The following WDFY1 variants were observed in gnomAD, a reference collection of about 807,000 sequenced individuals.
WDFY1 encodes the protein WD repeat and FYVE domain containing 1.
A neutral mutation model predicts 56.4 loss-of-function variants in WDFY1; 32 were observed. The ratio of observed to expected loss-of-function variants is 0.57; its 90% CI spans 0.43 to 0.76. WDFY1 has a LOEUF of 0.76. Ranked by LOEUF, WDFY1 falls within the 30% of genes least tolerant of loss-of-function variation. WDFY1 has a pLI of 0.00. For synonymous variants in WDFY1, 192 were observed against 197.3 expected, an observed-to-expected ratio of 0.97 and a Z score of 0.23; for missense variants, 480 against 545.7, an observed-to-expected ratio of 0.88 and a Z score of 1.20.
chr2:223,913,993 CTTTTTTTTT>C (rs386392770), intron 2 of WDFY1, among the ~76,000 whole-genome samples: 5 of 88,152 alleles, frequency 5.7e-5, no homozygotes, highest in Non-Finnish European at 7.8e-5. Flanking sequence ...AATCAGTTAG[CTTTTTTTTT>C]TTTTTTTTTT....
Position 223,880,218 on chromosome 2 carries a change from G to A in WDFY1, c.1079C>T (p.Ala360Val), listed in dbSNP as rs747101446. The A allele has an allele frequency of 1.4e-5, 22 of 1,613,892 alleles. No homozygotes were observed. Among genetic ancestry groups the A allele is most frequent in the Non-Finnish European group, 1.7e-5 (20 of 1,179,944 alleles). Residue 360 changes from alanine to valine, a missense_variant, in exon 11 of 12, where the codon GCG becomes GTG. Coordinates refer to ENST00000233055, the MANE Select transcript of WDFY1 (RefSeq NM_020830.5). ...GTTATGTTTTCCTTCATGAAAGGTC[G>A]CTAGAGAAGTCCGACTAACAAGAGA... is the stretch of plus-strand genomic sequence containing the variant. The part of the protein sequence containing the change: ...SIKDEDRTSL[A>V]TFHEGKHNIS...
intron 6 of WDFY1, among the ~76,000 whole-genome samples, chr2:223,897,046 T>C (rs1160495672): frequency 6.6e-6 from 1 of 152,130 alleles, no homozygotes; most frequent in Non-Finnish European, 1.5e-5. Context: ...AACTTGCTGT[T>C]CTCTTTTCTT....
intron 8 of WDFY1, 122 bp downstream of exon 8, chr2:223,894,112 A>C (rs1693321769): frequency 3.5e-6 from 3 of 852,250 alleles, no homozygotes; most frequent in Non-Finnish European, 5.6e-6. Flanking sequence ...CATTAGCAGA[A>C]GGGGAAGCTG....
At chr2:223,897,961 T>C (rs890233791) in intron 6 of WDFY1, among the ~76,000 whole-genome samples, 2 of 152,198 alleles carry the variant, frequency 1.3e-5, no homozygotes, top group Admixed American at 6.6e-5. Flanking sequence ...CCATGCTTCC[T>C]GTACAGCCTG....
chr2:223,895,965 C>G (rs556352907), intron 6 of WDFY1, among the ~76,000 whole-genome samples: 39 of 151,798 alleles, frequency 2.6e-4, no homozygotes, highest in African/African-American at 8.7e-4. Flanking sequence ...CAAGACTAGG[C>G]CTGGCCAACA....
At chr2:223,913,638 G>A (rs540168905) in intron 2 of WDFY1, among the ~76,000 whole-genome samples, 55 of 152,158 alleles carry the variant, frequency 3.6e-4, no homozygotes, top group South Asian at 8.3e-4. Context: ...GCTTTGATGC[G>A]TTCAGAGATT....
chr2:223,942,701 A>C, intron 1 of WDFY1, among the ~76,000 whole-genome samples: 1 of 106,682 alleles, frequency 9.4e-6, no homozygotes, highest in African/African-American at 3.6e-5. Context: ...GCGCCCGGCT[A>C]ATTTTTTGTA....
At chr2:223,944,810 G>C (rs757211840) in intron 1 of WDFY1, among the ~76,000 whole-genome samples, 1 of 150,568 alleles carries the variant, frequency 6.6e-6, no homozygotes. Flanking sequence ...CACTGGAACA[G>C]GGGTCCTGGG....
intron 9 of WDFY1, among the ~76,000 whole-genome samples, chr2:223,882,904 T>G (rs1201844853): frequency 6.6e-6 from 1 of 152,066 alleles, no homozygotes; most frequent in Non-Finnish European, 1.5e-5. Context: ...ATTTTTTGAT[T>G]TTTTTGCAGA....
At chr2:223,891,559 G>C (rs1223387590) in intron 8 of WDFY1, among the ~76,000 whole-genome samples, 1 of 152,036 alleles carries the variant, frequency 6.6e-6, no homozygotes, top group Non-Finnish European at 1.5e-5. Context: ...CAGACGCAGT[G>C]AATTGTGCAC....
At chr2:223,918,432 T>C (rs1411761204) in intron 1 of WDFY1, among the ~76,000 whole-genome samples, 1 of 151,882 alleles carries the variant, frequency 6.6e-6, no homozygotes, top group Admixed American at 6.6e-5. Flanking sequence ...ATCAAGACCA[T>C]CTTGGCTAAC....
intron 8 of WDFY1, among the ~76,000 whole-genome samples, chr2:223,889,200 G>A (rs1359537949): frequency 1.3e-5 from 2 of 152,228 alleles, no homozygotes; most frequent in Non-Finnish European, 2.9e-5. Context: ...CACGGTGTCT[G>A]GCCTCTCAAT....
At chr2:223,905,263 A>C (rs1395137297) in intron 4 of WDFY1, among the ~76,000 whole-genome samples, 2 of 152,146 alleles carry the variant, frequency 1.3e-5, no homozygotes, top group Non-Finnish European at 2.9e-5. Context: ...CACTTAAAAA[A>C]CTTTTTAATG....
At chr2:223,927,657 T>G (rs973138665) in intron 1 of WDFY1, among the ~76,000 whole-genome samples, 3 of 152,230 alleles carry the variant, frequency 2.0e-5, no homozygotes, top group Non-Finnish European at 4.4e-5. Flanking sequence ...CTTATTCATG[T>G]TTTCACTAGA....
chr2:223,880,209 T>C lies in WDFY1; in HGVS notation c.1088A>G (p.His363Arg). The C allele has an allele frequency of 6.2e-7, 1 of 1,614,076 alleles. No homozygotes were observed. Among genetic ancestry groups the C allele is most frequent in the Non-Finnish European group, 8.5e-7 (1 of 1,179,980 alleles). ...GTGGGAAATGTTATGTTTTCCTTCA[T>C]GAAAGGTCGCTAGAGAAGTCCGACT... is the stretch of plus-strand genomic sequence containing the variant. ...DEDRTSLATF[H>R]EGKHNISHMS... The change falls in exon 11 of 12, where the codon CAT becomes CGT. Residue 363 changes from histidine to arginine, a missense_variant. By Grantham distance (29) the His-to-Arg change is conservative. Coordinates refer to ENST00000233055, the MANE Select transcript of WDFY1 (RefSeq NM_020830.5).
intron 8 of WDFY1, among the ~76,000 whole-genome samples, chr2:223,887,211 A>C (rs1211037548): frequency 2.6e-5 from 4 of 152,194 alleles, no homozygotes; most frequent in African/African-American, 9.6e-5. Context: ...CTACCTGGGG[A>C]CACTGTCCCT....
chr2:223,910,002 C>T (rs1324716305), intron 3 of WDFY1, among the ~76,000 whole-genome samples: 1 of 152,204 alleles, frequency 6.6e-6, no homozygotes, highest in Non-Finnish European at 1.5e-5. Context: ...TTGCATGACC[C>T]GGCCTCTGCC....
intron 3 of WDFY1, among the ~76,000 whole-genome samples, chr2:223,906,756 G>A (rs1402596598): frequency 6.6e-6 from 1 of 151,850 alleles, no homozygotes; most frequent in African/African-American, 2.4e-5. Flanking sequence ...CTGACCTCAG[G>A]TGATCCACCC....
intron 2 of WDFY1, among the ~76,000 whole-genome samples, chr2:223,913,617 A>C (rs1219271602): frequency 6.6e-6 from 1 of 152,192 alleles, no homozygotes; most frequent in Non-Finnish European, 1.5e-5. Flanking sequence ...ATCTTTGACA[A>C]ATCAAATCAT....
Sources: allele counts gnomAD v4.1 joint callset (sites outside exome capture counted in the v4.1 genomes callset), GRCh38; gene constraint gnomAD v4.1.1; transcripts MANE v1.5; gene names NCBI Gene and HGNC (gene_info 2026-07-23, HGNC 2026-07-21).